BAZ1B: variants seen among roughly 807,000 people sequenced by gnomAD.
The protein encoded by BAZ1B is tyrosine-protein kinase BAZ1B.
Under a neutral mutation model 153.8 loss-of-function variants are expected in BAZ1B, and 22 were observed. The observed-to-expected ratio is 0.14, with a 90% CI of 0.10 to 0.20. The LOEUF (loss-of-function observed/expected upper bound fraction) is 0.20. Among genes scored for constraint, BAZ1B ranks in the 10% least tolerant of loss-of-function variants. BAZ1B has a pLI of 1.00. For synonymous variants in BAZ1B, 676 were observed against 633.4 expected (o/e 1.07, Z -1.01); for missense variants, 1,325 against 1,799.3 (o/e 0.74, Z 4.77).
intron 7 of BAZ1B, among the ~76,000 whole-genome samples, chr7:73,471,331 C>T (rs1262298301): frequency 6.6e-6 from 1 of 152,126 alleles, no homozygotes; most frequent in African/African-American, 2.4e-5. Context: ...TCTAATTATT[C>T]TGCAAGTTAC....
rs190490496 is a variant in BAZ1B at position 73,497,521 on chromosome 7, G to T, written c.571+976C>A. On this transcript the variant is annotated intron_variant, in intron 4 of 19. Transcript: ENST00000339594. Reference sequence around the variant, plus strand: ...CTGTATATATTTTATGGTAGCAAATGATAGACTAGTATCTACATGTATTTT... The same window carrying T: ...CTGTATATATTTTATGGTAGCAAATTATAGACTAGTATCTACATGTATTTT... Among the ~76,000 whole-genome samples, 354 of 151,802 alleles carry T rather than the reference G, an allele frequency of 2.3e-3. 2 individuals are homozygous for T. The highest frequency in any genetic ancestry group is 8.4e-3 in the African/African-American group (348 of 41,540).
Position 73,477,005 on chromosome 7 carries a change from T to C in BAZ1B, c.2456A>G (p.Asp819Gly). The change falls in exon 7 of 20, where the codon GAT (aspartate) becomes GGT (glycine). Residue 819 changes from aspartate (D) to glycine (G), a missense_variant. By Grantham distance (94) the Asp-to-Gly change is moderately conservative. Coordinates refer to ENST00000339594, the MANE Select transcript of BAZ1B (RefSeq NM_032408.4). This position sits in a 1 kb window ranked among gnomAD's most constrained non-coding sequence, Gnocchi z 5.6. ...AAACTTCACAATTTCTTTTTTCCTA[T>C]CAGTTTTGCCTAACCCATTCTCAAC... ...GKVENGLGKTDRKKEIVKFEP... is the reference protein window; with the variant it reads ...GKVENGLGKTGRKKEIVKFEP... 3.1e-6 allele frequency: 5 copies of C among 1,614,238 alleles called. No individual in the cohort carries two copies. The highest frequency in any genetic ancestry group is 4.2e-6 in the Non-Finnish European group (5 of 1,180,042).
In BAZ1B at chr7:73,520,080, GCGC is replaced by G. The variant is rs782594154; in HGVS notation, c.107+1744_107+1746del. Among the ~76,000 whole-genome samples, 25 of 152,002 alleles carry G rather than the reference GCGC, an allele frequency of 1.6e-4. No homozygotes were observed. In the East Asian group the frequency reaches 4.4e-3, roughly 27 times the overall value. ...AAAAGTTAGCCGGGCGTGGTGGCAC[GCGC>G]CTGTAATCCTAGCTACTCAGGAGGC... is the stretch of plus-strand genomic sequence containing the variant. On this transcript the variant is annotated intron_variant, in intron 1 of 19. Coordinates refer to ENST00000339594, the MANE Select transcript of BAZ1B (RefSeq NM_032408.4).
chr7:73,499,458 T>C (rs971552761), intron 3 of BAZ1B, among the ~76,000 whole-genome samples: 5 of 152,200 alleles, frequency 3.3e-5, no homozygotes, highest in Non-Finnish European at 7.3e-5. Flanking sequence ...AGGGCCAGGA[T>C]TACAGGCATG....
At chr7:73,446,097 A>G (rs1391318382) in intron 16 of BAZ1B, among the ~76,000 whole-genome samples, 1 of 152,172 alleles carries the variant, frequency 6.6e-6, no homozygotes, top group Non-Finnish European at 1.5e-5. Flanking sequence ...AGGACAGGAG[A>G]AGACGGGCAA....
chr7:73,520,369 A>G (rs1790986960), intron 1 of BAZ1B, among the ~76,000 whole-genome samples: 1 of 152,168 alleles, frequency 6.6e-6, no homozygotes, highest in Non-Finnish European at 1.5e-5. Context: ...CCATAATGAC[A>G]AAAAAGTGAG....
At chr7:73,501,607 T>G (rs1790136132) in intron 3 of BAZ1B, among the ~76,000 whole-genome samples, 1 of 152,154 alleles carries the variant, frequency 6.6e-6, no homozygotes, top group Non-Finnish European at 1.5e-5. Context: ...TAGAATCATC[T>G]GTCCTAAAGT....
chr7:73,484,527 T>C (rs1435933755), intron 6 of BAZ1B, among the ~76,000 whole-genome samples: 2 of 151,864 alleles, frequency 1.3e-5, no homozygotes, highest in African/African-American at 4.8e-5. Context: ...ACCTGTGGTC[T>C]CGGCTACTCA....
chr7:73,463,770 C>T (rs782518888), intron 11 of BAZ1B, among the ~76,000 whole-genome samples: 3 of 151,642 alleles, frequency 2.0e-5, no homozygotes, highest in Non-Finnish European at 4.4e-5. Flanking sequence ...TGCAGTGGTG[C>T]GATCTTGGCT....
intron 13 of BAZ1B, among the ~76,000 whole-genome samples, chr7:73,456,904 T>C (rs1788221327): frequency 8.7e-6 from 1 of 114,898 alleles, no homozygotes; most frequent in African/African-American, 3.4e-5. Context: ...ATCACACCAC[T>C]GTACTCCGGC....
chr7:73,506,265 G>A (rs781862842), intron 3 of BAZ1B, among the ~76,000 whole-genome samples: 4 of 151,788 alleles, frequency 2.6e-5, no homozygotes, highest in Non-Finnish European at 5.9e-5. Flanking sequence ...CTGGGAGGCC[G>A]AGACAGGTGG....
intron 4 of BAZ1B, among the ~76,000 whole-genome samples, chr7:73,493,149 T>C (rs535012625): frequency 2.4e-4 from 37 of 152,234 alleles, no homozygotes; most frequent in Non-Finnish European, 4.1e-4. Context: ...AACAGTGTAA[T>C]AGAAGTTGGT....
At chr7:73,514,327 T>C (rs1366967434) in intron 1 of BAZ1B, among the ~76,000 whole-genome samples, 1 of 152,104 alleles carries the variant, frequency 6.6e-6, no homozygotes, top group African/African-American at 2.4e-5. Context: ...GGTCAGGAGT[T>C]CGAGACCAGC....
intron 12 of BAZ1B, 137 bp from the exon 13 acceptor site, chr7:73,459,855 T>TA: frequency 1.3e-6 from 1 of 744,374 alleles, no homozygotes. Context: ...CACATACCAT[T>TA]AATTTAACTG....
rs782056898 is a variant in BAZ1B at position 73,498,541 on chromosome 7, T to C, written c.527A>G (p.Lys176Arg). The stretch of plus-strand genomic sequence containing the variant: ...TTCATCCTCTTTCACAACTGTCTCC[T>C]TCTTCTGATGGTCCTGAGCAATCTG... The part of the protein sequence containing the change: ...SSQIAQDHQK[K>R]ETVVKEDEGR... The change falls in exon 4 of 20, where the codon AAG (lysine) becomes AGG (arginine). Residue 176 changes from lysine (K) to arginine (R), a missense_variant. Lys to Arg is a conservative substitution (Grantham distance 26). Around this residue, in one of 9 missense-constraint regions of BAZ1B, gnomAD observed 153 missense variants for 204.8 expected, o/e 0.75. Transcript: ENST00000339594. 6.2e-7 allele frequency: 1 copy of C among 1,613,936 alleles called. No individual in the cohort carries two copies. Among genetic ancestry groups the C allele is most frequent in the East Asian group, 2.2e-5 (1 of 44,880 alleles).
intron 1 of BAZ1B, among the ~76,000 whole-genome samples, chr7:73,512,725 A>G (rs933727861): frequency 6.6e-6 from 1 of 152,264 alleles, no homozygotes; most frequent in Non-Finnish European, 1.5e-5. Context: ...GTAGAAAGTT[A>G]GTGAACAATA....
chr7:73,511,665 G>C (rs969513785), intron 1 of BAZ1B, among the ~76,000 whole-genome samples: 1 of 151,850 alleles, frequency 6.6e-6, no homozygotes, highest in African/African-American at 2.4e-5. Context: ...TAAAACACAA[G>C]TCATAAAAAA....
chr7:73,485,271 G>A (rs1789358276), intron 6 of BAZ1B, among the ~76,000 whole-genome samples: 1 of 151,996 alleles, frequency 6.6e-6, no homozygotes, highest in East Asian at 1.9e-4. Flanking sequence ...TTCTGTAAAA[G>A]GGCATCCTGT....
chr7:73,466,522 A>G (rs1788591953), intron 9 of BAZ1B, 121 bp from the exon 10 acceptor site: 4 of 602,826 alleles, frequency 6.6e-6, no homozygotes, highest in Non-Finnish European at 9.0e-6. Flanking sequence ...CCTGTGAAAT[A>G]TATCAAATAT....
Sources: allele counts gnomAD v4.1 joint callset (sites outside exome capture counted in the v4.1 genomes callset), GRCh38; gene constraint gnomAD v4.1.1; regional missense constraint gnomAD v4.1.1; non-coding constraint Gnocchi (gnomAD v3.1); transcripts MANE v1.5; gene names NCBI Gene and HGNC (gene_info 2026-07-23, HGNC 2026-07-21).